The following NDUFV3 variants were observed in gnomAD, a reference collection of about 807,000 sequenced individuals.
NDUFV3 encodes NADH dehydrogenase [ubiquinone] flavoprotein 3, mitochondrial.
Under a neutral mutation model 37.5 loss-of-function variants are expected in NDUFV3, and 44 were observed. That is an observed-to-expected ratio of 1.17 (90% CI 0.92 to 1.51). The LOEUF (loss-of-function observed/expected upper bound fraction) is 1.51, where lower values mean the gene tolerates loss of function less well. Ranked by LOEUF, NDUFV3 falls within the 40% of genes most tolerant of loss-of-function variation. NDUFV3 has a pLI of 0.00. For missense variants in NDUFV3, 580 were observed against 580.4 expected (o/e 1.00, Z 0.01); for synonymous variants, 235 against 239.3 (o/e 0.98, Z 0.17).
At chr21:42,901,396 C>T (rs2146156035) in intron 2 of NDUFV3, among the ~76,000 whole-genome samples, 1 of 150,656 alleles carries the variant, frequency 6.6e-6, no homozygotes, top group East Asian at 2.0e-4. Flanking sequence ...GAGCCAAGAT[C>T]ACGCCATTGC....
chr21:42,903,865 T>C lies in NDUFV3; in HGVS notation c.853T>C (p.Phe285Leu), dbSNP rs199611809. Residue 285 changes from phenylalanine to leucine, a missense_variant, in exon 3 of 4, where the codon TTT becomes CTT. Transcript: ENST00000354250. ...AATAGATAAAGAAAGCCAAAAGCCATTTGAAGTTAAAGGACCCTTACCTGT... is the reference window on the plus strand; with the variant it reads ...AATAGATAAAGAAAGCCAAAAGCCACTTGAAGTTAAAGGACCCTTACCTGT... ...NEIDKESQKP[F>L]EVKGPLPVHT... The C allele has an allele frequency of 2.2e-5, 36 of 1,612,506 alleles. No individual in the cohort carries two copies. The Middle Eastern group carries it at 1.3e-3, about 59-fold the overall frequency.
At chr21:42,894,163 C>G (rs1257882108) in intron 1 of NDUFV3, among the ~76,000 whole-genome samples, 1 of 145,962 alleles carries the variant, frequency 6.9e-6, no homozygotes, top group Non-Finnish European at 1.5e-5. Flanking sequence ...TGCAGTGAGC[C>G]GAGATCATAC....
chr21:42,905,270 T>C (rs1408001133), intron 3 of NDUFV3, among the ~76,000 whole-genome samples: 1 of 152,186 alleles, frequency 6.6e-6, no homozygotes, highest in Non-Finnish European at 1.5e-5. Flanking sequence ...TTAACTTGCA[T>C]AGGTGAAGAG....
At chr21:42,900,788 C>T (rs922766086) in intron 2 of NDUFV3, among the ~76,000 whole-genome samples, 2 of 152,288 alleles carry the variant, frequency 1.3e-5, no homozygotes, top group East Asian at 3.9e-4. Flanking sequence ...GACCCTGGCG[C>T]GATGGGACAT....
In NDUFV3 at chr21:42,909,074, G is replaced by A; in HGVS notation, c.*53G>A. The A allele has an allele frequency of 6.3e-7, 1 of 1,580,676 alleles. No individual in the cohort carries two copies. Among genetic ancestry groups the A allele is most frequent in the Non-Finnish European group, 8.6e-7 (1 of 1,157,884 alleles). On this transcript the variant is annotated 3_prime_UTR_variant, in exon 4 of 4. Transcript: ENST00000354250. ...CACCGTCTTCACTGCATCCTGGAGT[G>A]CAAAAATAAAATCCACTCAAGAGTC...
At position 42,910,249 on chromosome 21, in the gene NDUFV3, T is replaced by C; in HGVS notation, c.*1228T>C. ...CTGAGGCAGGAGAATCATTTGAACC[T>C]GGGAGGCGGAGGTTGCAGTGAGCAA... is the stretch of plus-strand genomic sequence containing the variant. On this transcript the variant is annotated 3_prime_UTR_variant, in exon 4 of 4. Coordinates refer to ENST00000354250, the MANE Select transcript of NDUFV3 (RefSeq NM_021075.4). The C allele has an allele frequency of 6.6e-6, 1 of 152,190 alleles. No homozygotes were observed. The highest frequency in any genetic ancestry group is 1.5e-5 in the Non-Finnish European group (1 of 68,040). The allele number at this position is 152,190 out of a possible 1,614,324, so 9.4% of individuals were successfully genotyped here.
chr21:42,894,352 AAT>A (rs1260866866), intron 1 of NDUFV3, among the ~76,000 whole-genome samples: 1 of 38,914 alleles, frequency 2.6e-5, no homozygotes, highest in Non-Finnish European at 3.9e-5. Flanking sequence ...ATTATATATA[AAT>A]ATATATTATA....
intron 1 of NDUFV3, among the ~76,000 whole-genome samples, chr21:42,895,995 TTTTTTC>T (rs2146147332): frequency 6.7e-6 from 1 of 148,784 alleles, no homozygotes; most frequent in African/African-American, 2.5e-5. Flanking sequence ...TTTTTTTTTT[TTTTTTC>T]CTGAGACAGT....
chr21:42,907,719 A>T (rs528783945), intron 3 of NDUFV3, among the ~76,000 whole-genome samples: 20 of 152,074 alleles, frequency 1.3e-4, no homozygotes, highest in African/African-American at 4.6e-4. Context: ...TCAAAGTGCT[A>T]GGATTACAGG....
At chr21:42,908,456 G>T (rs981726152) in intron 3 of NDUFV3, among the ~76,000 whole-genome samples, 4 of 152,194 alleles carry the variant, frequency 2.6e-5, no homozygotes, top group Admixed American at 1.3e-4. Context: ...GTTCCTCACA[G>T]ATAGGGTTGA....
intron 2 of NDUFV3, among the ~76,000 whole-genome samples, chr21:42,897,564 AG>A (rs2058698200): frequency 6.6e-6 from 1 of 152,144 alleles, no homozygotes; most frequent in Non-Finnish European, 1.5e-5. Context: ...TAGTAGAGAC[AG>A]GGTTTCACAA....
At chr21:42,900,261 G>A (rs146826676) in intron 2 of NDUFV3, among the ~76,000 whole-genome samples, 3,982 of 152,232 alleles carry the variant, frequency 0.026, 84 homozygotes, top group South Asian at 0.11. Context: ...CAGCACTTTT[G>A]CAGGCCAAGG....
At chr21:42,904,408 C>A in intron 3 of NDUFV3, 132 bp downstream of exon 3, 1 of 1,215,194 alleles carries the variant, frequency 8.2e-7, no homozygotes, top group Non-Finnish European at 1.2e-6. Flanking sequence ...GCCTGTAACG[C>A]TGTCTCAGCC....
intron 2 of NDUFV3, among the ~76,000 whole-genome samples, chr21:42,898,409 A>C (rs2058703900): frequency 6.6e-6 from 1 of 152,166 alleles, no homozygotes; most frequent in South Asian, 2.1e-4. Flanking sequence ...CAGCCTCCTG[A>C]GTAGCTGAGA....
rs1282445533 is a variant in NDUFV3 at position 42,893,358 on chromosome 21, C to T, written c.25C>T (p.Gln9Ter). Residue 9 changes from glutamine to a stop codon, truncating the protein, a stop_gained, in exon 1 of 4, where the codon CAA (glutamine) becomes TAA (stop). Coordinates refer to ENST00000354250, the MANE Select transcript of NDUFV3 (RefSeq NM_021075.4). LOFTEE classifies it high-confidence loss of function. Reference protein sequence around the residue: MAAPCLLRQGRAGALKTML... With the variant: MAAPCLLR ...CATGGCTGCCCCGTGTTTGCTGCGG[C>T]AAGGACGAGCCGGGGCGCTGAAGGT... 6.5e-7 allele frequency: 1 copy of T among 1,538,262 alleles called. No individual in the cohort carries two copies. Among genetic ancestry groups the T allele is most frequent in the Admixed American group, 2.0e-5 (1 of 50,984 alleles).
At chr21:42,897,406 G>GTTTGTTTTGT (rs77051374) in intron 2 of NDUFV3, among the ~76,000 whole-genome samples, 191 of 150,590 alleles carry the variant, frequency 1.3e-3, no homozygotes, top group African/African-American at 3.6e-3. Flanking sequence ...ATGCTGAGTT[G>GTTTGTTTTGT]TTTGTTTTGT....
intron 3 of NDUFV3, chr21:42,907,013 G>C (rs1372545758): frequency 4.9e-6 from 2 of 410,246 alleles, no homozygotes; most frequent in Non-Finnish European, 9.7e-6. Flanking sequence ...TGTGGAGCAT[G>C]AATGGAAGTT....
chr21:42,898,092 C>A (rs1327788170), intron 2 of NDUFV3, among the ~76,000 whole-genome samples: 1 of 152,206 alleles, frequency 6.6e-6, no homozygotes. Context: ...CTTTTGTTTT[C>A]TTCCTCCTTG....
chr21:42,905,488 C>T (rs113216707), intron 3 of NDUFV3, among the ~76,000 whole-genome samples: 4 of 152,230 alleles, frequency 2.6e-5, no homozygotes, highest in African/African-American at 9.6e-5. Context: ...TTCTAGAAGA[C>T]ATTTTATGAA....
Sources: gnomAD v4.1 joint callset for allele counts (sites outside exome capture counted in the v4.1 genomes callset) on GRCh38, gnomAD v4.1.1 for gene constraint, MANE v1.5 for transcripts, NCBI Gene and HGNC (gene_info 2026-07-23, HGNC 2026-07-21) for gene names.